TTN: variants seen among roughly 807,000 people sequenced by gnomAD.
The protein encoded by TTN is titin.
In TTN, 1,525 loss-of-function variants were observed where a neutral mutation model predicts 3,223.0. The observed-to-expected ratio is 0.47, with a 90% CI of 0.45 to 0.49. The LOEUF (loss-of-function observed/expected upper bound fraction) is 0.49. Among genes scored for constraint, TTN ranks in the 20% least tolerant of loss-of-function variants. TTN has a pLI of 0.00. For missense variants in TTN, 40,786 were observed against 43,424.0 expected, an observed-to-expected ratio of 0.94 and a Z score of 5.40; for synonymous variants, 14,094 against 15,161.0, an observed-to-expected ratio of 0.93 and a Z score of 5.17.
rs374163882 is a variant in TTN, at chr2:178,592,197, C to G, written c.59707G>C (p.Asp19903His). The G allele has an allele frequency of 8.1e-6, 13 of 1,612,016 alleles. No individual in the cohort carries two copies. The African/African-American group carries it at 1.7e-4, about 22-fold the overall frequency. The change falls in exon 302 of 363, where the codon GAT (aspartate) becomes CAT (histidine). Residue 19903 changes from aspartate to histidine, a missense_variant. Asp to His is a moderately conservative substitution (Grantham distance 81). Transcript: ENST00000589042. ...SCYLTWKEPL[D>H]DGGSVITNYV... is the part of the protein sequence containing the mutation. The stretch of plus-strand genomic sequence containing the variant: ...TTGGTAATAACAGAACCACCATCAT[C>G]CAGTGGTTCTTTCCAAGTAAGGTAA...
chr2:178,562,832 G>T lies in TTN; in HGVS notation c.83300C>A (p.Pro27767Gln), dbSNP rs753567973. Residue 27767 changes from proline (P) to glutamine (Q), a missense_variant, in exon 326 of 363, where the codon CCA becomes CAA. By Grantham distance (76) the Pro-to-Gln change is moderately conservative. Transcript: ENST00000589042. ...TATGGTCAAATTCACAGGGGCACTT[G>T]GTGAGTCAAGAACTCTGACGTTAAC... Reference protein sequence around the residue: ...AFVNVRVLDSPSAPVNLTIRE... With the variant: ...AFVNVRVLDSQSAPVNLTIRE... 6.2e-6 allele frequency: 10 copies of T among 1,612,966 alleles called. No homozygotes were observed. Among genetic ancestry groups the T allele is most frequent in the Non-Finnish European group, 8.5e-6 (10 of 1,179,478 alleles).
chr2:178,732,391 A>C, intron 56 of TTN, 44 bp from the exon 57 acceptor site: 1 of 1,575,344 alleles, frequency 6.3e-7, no homozygotes, highest in Non-Finnish European at 8.6e-7. Flanking sequence ...GAAAGAGGAA[A>C]GAATTTATAA....
At chr2:178,707,949 G>T in intron 99 of TTN, 136 bp from the exon 100 acceptor site, 2 of 867,382 alleles carry the variant, frequency 2.3e-6, no homozygotes, top group Non-Finnish European at 1.7e-6. Flanking sequence ...TTATGTGCCT[G>T]GTTTATTCCT....
At position 178,723,457 on chromosome 2, in the gene TTN, C is replaced by T. The variant is rs767445301; in HGVS notation, c.21643G>A (p.Ala7215Thr). The T allele has an allele frequency of 8.7e-6, 14 of 1,612,962 alleles. No homozygotes were observed. Among genetic ancestry groups the T allele is most frequent in the South Asian group, 3.3e-5 (3 of 90,974 alleles). The change falls in exon 74 of 363, where the codon GCT (alanine) becomes ACT (threonine). Residue 7215 changes from alanine to threonine, a missense_variant. Transcript: ENST00000589042. ...CGGGTAGTGCAAGATGCTTGGCCAG[C>T]GTTGTTAGAAACCACACAGGTGTAT... ...GEYTCVVSNN[A>T]GQASCTTRLF...
Position 178,774,958 on chromosome 2 carries a change from A to C in TTN, c.6753T>G (p.Asp2251Glu). 2 of 1,613,892 alleles carry C rather than the reference A, an allele frequency of 1.2e-6. No individual in the cohort carries two copies. Among genetic ancestry groups the C allele is most frequent in the Non-Finnish European group, 1.7e-6 (2 of 1,179,898 alleles). ...GTTTAGCAGTCGTTTTGACATTTTC[A>C]TCTTCCACAAGTACACAGCTGTAAT... is the stretch of plus-strand genomic sequence containing the variant. The part of the protein sequence containing the change: ...AEDYSCVLVE[D>E]ENVKTTAKLI... Residue 2251 changes from aspartate to glutamate, a missense_variant, in exon 29 of 363, where the codon GAT becomes GAG. Asp to Glu is a conservative substitution (Grantham distance 45). Transcript: ENST00000589042.
rs566740788 is a variant in TTN at position 178,715,229 on chromosome 2, C to G, written c.25957G>C (p.Glu8653Gln). The change falls in exon 90 of 363, where the codon GAG (glutamate) becomes CAG (glutamine). Residue 8653 changes from glutamate to glutamine, a missense_variant. Glu to Gln is a conservative substitution (Grantham distance 29, BLOSUM62 2). Coordinates refer to ENST00000589042, the MANE Select transcript of TTN (RefSeq NM_001267550.2). ...TGAACATCAGCTCCTTTCAGTGTCT[C>G]TATAGGATGAGGCTTTTTGCGGAAA... ...PIFRKKPHPI[E>Q]TLKGADVHLE... 2 of 1,610,204 alleles carry G rather than the reference C, an allele frequency of 1.2e-6. No homozygotes were observed. Among genetic ancestry groups the G allele is most frequent in the African/African-American group, 2.7e-5 (2 of 74,730 alleles).
chr2:178,536,325 C>T lies in TTN; in HGVS notation c.100422G>A (p.Gly33474=). 6.2e-7 allele frequency: 1 copy of T among 1,613,620 alleles called. No individual in the cohort carries two copies. The highest frequency in any genetic ancestry group is 8.5e-7 in the Non-Finnish European group (1 of 1,179,744). Residue 33474 remains glycine, a synonymous_variant, in exon 357 of 363, where the codon GGG becomes GGA. Transcript: ENST00000589042. ...EFRVKCENLG[G]ESEWSEISEP... is the part of the protein sequence containing the mutation. ...CTGATATTTCACTCCATTCACTTTC[C>T]CCACCTAGATTTTCACATTTCACAC...
At position 178,702,605 on chromosome 2, in the gene TTN, A is replaced by G. The variant is rs886042543; in HGVS notation, c.30282T>C (p.Ser10094=). Residue 10094 remains serine, a synonymous_variant, in exon 107 of 363, where the codon TCT becomes TCC. Coordinates refer to ENST00000589042, the MANE Select transcript of TTN (RefSeq NM_001267550.2). ...AGGACACTTCACACTCAAAGGTGGC[A>G]GACTGATGCTCACTCACCACGATGT... ...IQNIVVSEHQ[S]ATFECEVSFD... 6.2e-7 allele frequency: 1 copy of G among 1,614,026 alleles called. No individual in the cohort carries two copies. Among genetic ancestry groups the G allele is most frequent in the Non-Finnish European group, 8.5e-7 (1 of 1,179,888 alleles).
Position 178,589,780 on chromosome 2 carries a change from C to CCAA in TTN, c.61944_61945insTTG (p.Val20648_Gly20649insLeu). ...TTTGTTTCGATGGTTGGCCCAACACCTACTTTATTCTCTGCACAAACTCGG... is the reference window on the plus strand; with the variant it reads ...TTTGTTTCGATGGTTGGCCCAACACCCAATACTTTATTCTCTGCACAAACTCGG... On this transcript the variant is annotated inframe_insertion, in exon 304 of 363. Coordinates refer to ENST00000589042, the MANE Select transcript of TTN (RefSeq NM_001267550.2). 1 of 1,613,560 alleles carries CCAA rather than the reference C, an allele frequency of 6.2e-7. No individual in the cohort carries two copies.
Position 178,614,964 on chromosome 2 carries a change from C to T in TTN, c.48643G>A (p.Glu16215Lys). The T allele has an allele frequency of 6.3e-7, 1 of 1,597,606 alleles. No individual in the cohort carries two copies. Among genetic ancestry groups the T allele is most frequent in the Non-Finnish European group, 8.5e-7 (1 of 1,171,116 alleles). ...CGEPVAETKMEVTGLEEGKWY... is the reference protein window; with the variant it reads ...CGEPVAETKMKVTGLEEGKWY... ...TTGCCTTCCTCAAGACCTGTCACTTCCATTCTGTCAGAAAACAGAATAGGA... is the reference window on the plus strand; with the variant it reads ...TTGCCTTCCTCAAGACCTGTCACTTTCATTCTGTCAGAAAACAGAATAGGA... Residue 16215 changes from glutamate to lysine, a missense_variant, in exon 260 of 363, where the codon GAA becomes AAA. Transcript: ENST00000589042.
chr2:178,651,871 T>C lies in TTN; in HGVS notation c.39379+13A>G. 1 of 1,603,268 alleles carries C rather than the reference T, an allele frequency of 6.2e-7. No individual in the cohort carries two copies. The highest frequency in any genetic ancestry group is 8.5e-7 in the Non-Finnish European group (1 of 1,175,336). On this transcript the variant is annotated intron_variant, in intron 205 of 362. Transcript: ENST00000589042. ...AGTGGCCGAGGTGTCCTAGCAGCTT[T>C]CTTGCCATGTACCTTGTGGAGGCGC...
intron 37 of TTN, 143 bp downstream of exon 37, chr2:178,769,536 T>C: frequency 1.7e-6 from 1 of 581,298 alleles, no homozygotes; most frequent in Middle Eastern, 5.3e-4. Context: ...AGTGCTGGGA[T>C]TACAGGCTTG....
At position 178,536,935 on chromosome 2, in the gene TTN, C is replaced by T. The variant is rs757318646; in HGVS notation, c.100171+3G>A. 3.8e-6 allele frequency: 6 copies of T among 1,595,930 alleles called. No homozygotes were observed. Among genetic ancestry groups the T allele is most frequent in the Non-Finnish European group, 4.3e-6 (5 of 1,167,866 alleles). ...GAAGATACAGAAATCAAGTTGTACT[C>T]ACCAAATGGACTCTTAATGATCACA... On this transcript the variant is annotated splice_donor_region_variant and intron_variant, in intron 356 of 362. Coordinates refer to ENST00000589042, the MANE Select transcript of TTN (RefSeq NM_001267550.2).
chr2:178,561,293 C>T lies in TTN; in HGVS notation c.84839G>A (p.Gly28280Asp). The T allele has an allele frequency of 6.2e-6, 10 of 1,613,786 alleles. No homozygotes were observed. Among genetic ancestry groups the T allele is most frequent in the Non-Finnish European group, 8.5e-6 (10 of 1,179,798 alleles). The change falls in exon 326 of 363, where the codon GGT (glycine) becomes GAT (aspartate). Residue 28280 changes from glycine to aspartate, a missense_variant. Transcript: ENST00000589042. ...SLKWSKPHYDGGAKITGYIVE... is the reference protein window; with the variant it reads ...SLKWSKPHYDDGAKITGYIVE... ...AATGTATCCTGTGATCTTAGCTCCA[C>T]CATCATAATGTGGTTTAGACCATTT...
chr2:178,727,057 A>C (rs1233102580), intron 69 of TTN, 33 bp downstream of exon 69: 3 of 1,415,690 alleles, frequency 2.1e-6, no homozygotes, highest in Non-Finnish European at 2.8e-6. Flanking sequence ...GGTGGTTTTC[A>C]TTTAATGAGA....
rs878854431 is a variant in TTN at position 178,545,857 on chromosome 2, A to C, written c.95379T>G (p.Pro31793=). The C allele has an allele frequency of 1.2e-6, 2 of 1,613,820 alleles. No homozygotes were observed. The highest frequency in any genetic ancestry group is 1.7e-5 in the Admixed American group (1 of 60,020). ...RAVNKYGPGV[P]VESEPIVARN... is the part of the protein sequence containing the mutation. ...TGGCTACAATTGGCTCTGATTCAACAGGCACACCAGGGCCATATTTGTTTA... is the reference window on the plus strand; with the variant it reads ...TGGCTACAATTGGCTCTGATTCAACCGGCACACCAGGGCCATATTTGTTTA... The change falls in exon 343 of 363, where the codon CCT becomes CCG. Residue 31793 remains proline, a synonymous_variant. Coordinates refer to ENST00000589042, the MANE Select transcript of TTN (RefSeq NM_001267550.2).
Position 178,787,877 on chromosome 2 carries a change from CAT to C in TTN, c.2076+1481_2076+1482del, listed in dbSNP as rs768852894. 9.2e-5 allele frequency among the ~76,000 whole-genome samples: 14 copies of C among 152,156 alleles called. No homozygotes were observed. The South Asian group carries it at 2.7e-3, about 29-fold the overall frequency. On this transcript the variant is annotated intron_variant, in intron 13 of 362. Coordinates refer to ENST00000589042, the MANE Select transcript of TTN (RefSeq NM_001267550.2). ...TCTTAGTGGACTTTGATATCTCTCA[CAT>C]GTTTGTAACCTAGAGAAGCAGGAAG...
At chr2:178,701,297 T>G in intron 110 of TTN, 94 bp from the exon 111 acceptor site, 1 of 1,167,008 alleles carries the variant, frequency 8.6e-7, no homozygotes, top group Non-Finnish European at 1.2e-6. Context: ...CAGTACTTCA[T>G]AGGTATTATA....
At position 178,547,317 on chromosome 2, in the gene TTN, C is replaced by T. The variant is rs1422198526; in HGVS notation, c.94220-12G>A. On this transcript the variant is annotated splice_polypyrimidine_tract_variant and intron_variant, in intron 339 of 362. Transcript: ENST00000589042. ...AGCGCTTGGTGGGACTAAATATAAA[C>T]AAAGGTATTAAGTATGAATACAATT... The T allele has an allele frequency of 3.8e-6, 6 of 1,592,624 alleles. No homozygotes were observed. The Admixed American group carries it at 8.8e-5, about 23-fold the overall frequency.
Sources: allele counts gnomAD v4.1 joint callset (sites outside exome capture counted in the v4.1 genomes callset), GRCh38; gene constraint gnomAD v4.1.1; transcripts MANE v1.5; gene names NCBI Gene and HGNC (gene_info 2026-07-23, HGNC 2026-07-21).